PLXDC2: variants seen among roughly 807,000 people sequenced by gnomAD.
The protein encoded by PLXDC2 is plexin domain-containing protein 2.
A neutral mutation model predicts 68.9 loss-of-function variants in PLXDC2; 40 were observed. The ratio of observed to expected loss-of-function variants is 0.58; its 90% CI spans 0.45 to 0.76. The LOEUF is 0.76. Ranked by LOEUF, PLXDC2 falls within the 30% of genes least tolerant of loss-of-function variation. The pLI, the probability that PLXDC2 is intolerant of heterozygous loss-of-function variation, is 0.00. For synonymous variants in PLXDC2, 243 were observed against 234.2 expected (o/e 1.04, Z -0.34); for missense variants, 644 against 661.9 (o/e 0.97, Z 0.30).
At chr10:19,942,130 T>C (rs1833830168) in intron 1 of PLXDC2, among the ~76,000 whole-genome samples, 1 of 152,184 alleles carries the variant, frequency 6.6e-6, no homozygotes, top group African/African-American at 2.4e-5. Flanking sequence ...AAGATAGTGG[T>C]AATTTTGCAG....
intron 2 of PLXDC2, among the ~76,000 whole-genome samples, chr10:20,026,431 C>T (rs2131663336): frequency 6.6e-6 from 1 of 152,124 alleles, no homozygotes; most frequent in South Asian, 2.1e-4. Flanking sequence ...CCAAACTGGT[C>T]AATTTAATCA....
chr10:19,874,182 A>G (rs957629003), intron 1 of PLXDC2, among the ~76,000 whole-genome samples: 6 of 152,214 alleles, frequency 3.9e-5, no homozygotes, highest in East Asian at 3.9e-4. Flanking sequence ...GTGTAGGACT[A>G]TTAATGAGCT....
intron 4 of PLXDC2, among the ~76,000 whole-genome samples, chr10:20,142,005 G>C (rs1037236500): frequency 2.2e-4 from 33 of 151,956 alleles, no homozygotes; most frequent in African/African-American, 7.0e-4. Flanking sequence ...TTGATGAAAA[G>C]TTAAAAGGTA....
At chr10:19,865,680 A>T (rs1837400976) in intron 1 of PLXDC2, among the ~76,000 whole-genome samples, 2 of 152,210 alleles carry the variant, frequency 1.3e-5, no homozygotes, top group South Asian at 4.1e-4. Context: ...GCCCTTGATC[A>T]TCTTTGGAAG....
intron 1 of PLXDC2, among the ~76,000 whole-genome samples, chr10:19,861,679 C>G (rs1476483102): frequency 1.3e-5 from 2 of 152,162 alleles, no homozygotes; most frequent in Non-Finnish European, 2.9e-5. Context: ...CAATTTCTTT[C>G]TCATCTTTCA....
intron 2 of PLXDC2, among the ~76,000 whole-genome samples, chr10:20,030,740 A>G (rs1237194685): frequency 6.6e-6 from 1 of 152,134 alleles, no homozygotes; most frequent in Non-Finnish European, 1.5e-5. Flanking sequence ...AGCGCTGATT[A>G]GTTGATTCAG....
At chr10:19,957,878 AAC>A (rs1417966281) in intron 1 of PLXDC2, among the ~76,000 whole-genome samples, 1 of 152,150 alleles carries the variant, frequency 6.6e-6, no homozygotes, top group Non-Finnish European at 1.5e-5. Context: ...CTGGGACAGT[AAC>A]ATTTATTCTT....
At chr10:20,016,655 A>T (rs958713773) in intron 2 of PLXDC2, among the ~76,000 whole-genome samples, 4 of 152,198 alleles carry the variant, frequency 2.6e-5, no homozygotes, top group Non-Finnish European at 5.9e-5. Flanking sequence ...CAGGCACAGG[A>T]CAGTGCTTAG....
intron 13 of PLXDC2, among the ~76,000 whole-genome samples, chr10:20,269,180 ATATAAT>A (rs1370412021): frequency 6.6e-6 from 1 of 152,170 alleles, no homozygotes; most frequent in African/African-American, 2.4e-5. Context: ...CTGTTGTCTG[ATATAAT>A]TATTAATAGT....
At chr10:19,879,338 C>T (rs1305815108) in intron 1 of PLXDC2, among the ~76,000 whole-genome samples, 1 of 152,086 alleles carries the variant, frequency 6.6e-6, no homozygotes, top group Non-Finnish European at 1.5e-5. Context: ...AGAATGTACT[C>T]AGCCAAGGTT....
intron 1 of PLXDC2, among the ~76,000 whole-genome samples, chr10:19,905,401 A>G (rs1370099177): frequency 1.3e-5 from 2 of 152,206 alleles, no homozygotes; most frequent in Non-Finnish European, 2.9e-5. Flanking sequence ...CTTTGTAAAT[A>G]TTATTTCTCC....
chr10:20,016,372 G>A (rs1004035033), intron 2 of PLXDC2, among the ~76,000 whole-genome samples: 1 of 152,212 alleles, frequency 6.6e-6, no homozygotes, highest in African/African-American at 2.4e-5. Flanking sequence ...GAGTCCATGT[G>A]ACAAGAAGTA....
chr10:19,818,860 G>A (rs1173406061), intron 1 of PLXDC2, among the ~76,000 whole-genome samples: 1 of 152,102 alleles, frequency 6.6e-6, no homozygotes, highest in Non-Finnish European at 1.5e-5. Context: ...CACAAACGAG[G>A]TTAAAAGGAT....
chr10:20,140,442 C>CTATCTATCTAACTATCTATCT (rs34794355), intron 4 of PLXDC2, among the ~76,000 whole-genome samples: 144 of 145,414 alleles, frequency 9.9e-4, no homozygotes, highest in African/African-American at 3.3e-3. Flanking sequence ...TCTATCTATC[C>CTATCTATCTAACTATCTATCT]GTCTAATCTT....
intron 4 of PLXDC2, among the ~76,000 whole-genome samples, chr10:20,087,505 TC>T (rs1287347622): frequency 2.0e-5 from 3 of 152,068 alleles, no homozygotes; most frequent in African/African-American, 7.3e-5. Flanking sequence ...ACTGATGTTG[TC>T]CAGGGAGATA....
At chr10:19,970,599 G>T (rs964990158) in intron 1 of PLXDC2, among the ~76,000 whole-genome samples, 2 of 152,146 alleles carry the variant, frequency 1.3e-5, no homozygotes, top group African/African-American at 4.8e-5. Flanking sequence ...CTTGGCTTCC[G>T]ATTTTTTTCA....
intron 13 of PLXDC2, among the ~76,000 whole-genome samples, chr10:20,276,576 T>A (rs1434381034): frequency 6.6e-6 from 1 of 152,204 alleles, no homozygotes. Flanking sequence ...TTTAAGACAT[T>A]ACATCCTGAA....
At chr10:20,044,122 T>TCCTCCCTC (rs754844827) in intron 2 of PLXDC2, among the ~76,000 whole-genome samples, 1 of 99,738 alleles carries the variant, frequency 1.0e-5, no homozygotes, top group Non-Finnish European at 2.1e-5. Context: ...CTTCCTTCCT[T>TCCTCCCTC]CCTCCCTCCC....
intron 1 of PLXDC2, among the ~76,000 whole-genome samples, chr10:19,936,962 T>C (rs1415774712): frequency 1.3e-5 from 2 of 152,238 alleles, no homozygotes; most frequent in Non-Finnish European, 2.9e-5. Context: ...TTGGCAGATA[T>C]CGAGAGCTCA....
Sources: allele counts gnomAD v4.1 joint callset (sites outside exome capture counted in the v4.1 genomes callset), GRCh38; gene constraint gnomAD v4.1.1; transcripts MANE v1.5; gene names NCBI Gene and HGNC (gene_info 2026-07-23, HGNC 2026-07-21).